Variants in ZNF486 observed in about 807,000 individuals in gnomAD.
The protein encoded by ZNF486 is KRAB box only protein 2.
In ZNF486, 12 loss-of-function variants were observed where a neutral mutation model predicts 12.8. That is an observed-to-expected ratio of 0.94 (90% CI 0.60 to 1.52). The LOEUF (loss-of-function observed/expected upper bound fraction) is 1.52. Among genes scored for constraint, ZNF486 ranks in the 40% most tolerant of loss-of-function variants. ZNF486 has a pLI of 0.00. For synonymous variants in ZNF486, 231 were observed against 184.9 expected (o/e 1.25, Z -2.02); for missense variants, 738 against 545.0 (o/e 1.35, Z -3.53).
At position 20,200,195 on chromosome 19, in the gene ZNF486, G is replaced by A. The variant is rs1237497919; in HGVS notation, c.*2093G>A. The A allele has an allele frequency of 3.3e-5, 5 of 152,206 alleles. No individual in the cohort carries two copies. Among genetic ancestry groups the A allele is most frequent in the African/African-American group, 1.2e-4 (5 of 41,542 alleles). The allele number at this position is 152,206 out of a possible 1,614,324, so 9.4% of individuals were successfully genotyped here. A position where few individuals can be genotyped will look rare whatever the true frequency, so the allele number is the denominator to read the frequency against. ...ATTCTTATTGTATTCACATGTGAAA[G>A]CATGTGATCAATTTTTGCTGCATCA... On this transcript the variant is annotated 3_prime_UTR_variant, in exon 4 of 4. Transcript: ENST00000335117.
At chr19:20,167,916 C>G (rs1281819535) in intron 1 of ZNF486, among the ~76,000 whole-genome samples, 1 of 152,076 alleles carries the variant, frequency 6.6e-6, no homozygotes, top group Non-Finnish European at 1.5e-5. Context: ...CAACCCTACC[C>G]CTTTTTCTCC....
Position 20,197,534 on chromosome 19 carries a change from T to A in ZNF486, c.824T>A (p.Phe275Tyr). ...ATTTGTGAAGAATGTGGCAAAGCCTTTATGTACCCCTATACCCTTACTACA... is the reference window on the plus strand; with the variant it reads ...ATTTGTGAAGAATGTGGCAAAGCCTATATGTACCCCTATACCCTTACTACA... ...PYICEECGKAFMYPYTLTTHK... is the reference protein window; with the variant it reads ...PYICEECGKAYMYPYTLTTHK... The change falls in exon 4 of 4, where the codon TTT (phenylalanine) becomes TAT (tyrosine). Residue 275 changes from phenylalanine to tyrosine, a missense_variant. Transcript: ENST00000335117. 1 of 1,612,500 alleles carries A rather than the reference T, an allele frequency of 6.2e-7. No homozygotes were observed. The highest frequency in any genetic ancestry group is 8.5e-7 in the Non-Finnish European group (1 of 1,179,388).
intron 1 of ZNF486, among the ~76,000 whole-genome samples, chr19:20,171,286 C>T (rs2089645187): frequency 6.6e-6 from 1 of 152,176 alleles, no homozygotes; most frequent in Non-Finnish European, 1.5e-5. Context: ...CCCAGGGTGA[C>T]AGAGGACTGA....
chr19:20,182,220 C>T (rs1367219183), intron 1 of ZNF486, among the ~76,000 whole-genome samples: 1 of 152,304 alleles, frequency 6.6e-6, no homozygotes, highest in South Asian at 2.1e-4. Context: ...GCAACTTCAG[C>T]ATTGACAGGG....
chr19:20,173,398 A>G (rs1162747032), intron 1 of ZNF486, among the ~76,000 whole-genome samples: 2 of 151,752 alleles, frequency 1.3e-5, no homozygotes, highest in East Asian at 3.9e-4. Context: ...TGGGCTCTCT[A>G]TTCTATTTCA....
intron 1 of ZNF486, among the ~76,000 whole-genome samples, chr19:20,175,827 G>A (rs1041282180): frequency 1.8e-4 from 28 of 152,286 alleles, no homozygotes; most frequent in African/African-American, 5.3e-4. Context: ...ATCATGGCCC[G>A]TTCTCAATGA....
intron 1 of ZNF486, among the ~76,000 whole-genome samples, chr19:20,170,040 G>A (rs915224085): frequency 4.6e-5 from 7 of 151,720 alleles, no homozygotes; most frequent in Middle Eastern, 3.4e-3. Context: ...ACAGGCGCCC[G>A]CCACCACGCC....
chr19:20,173,746 G>A (rs2089675310), intron 1 of ZNF486, among the ~76,000 whole-genome samples: 2 of 152,094 alleles, frequency 1.3e-5, no homozygotes, highest in South Asian at 4.1e-4. Context: ...GCAGGAGAAT[G>A]GCGTGAACAT....
Position 20,198,095 on chromosome 19 carries a change from G to A in ZNF486, c.1385G>A (p.Arg462Lys). 6.3e-7 allele frequency: 1 copy of A among 1,575,822 alleles called. No homozygotes were observed. Among genetic ancestry groups the A allele is most frequent in the Non-Finnish European group, 8.6e-7 (1 of 1,162,246 alleles). Residue 462 changes from arginine to lysine, a missense_variant, in exon 4 of 4, where the codon AGA (arginine) becomes AAA (lysine). Coordinates refer to ENST00000335117, the MANE Select transcript of ZNF486 (RefSeq NM_052852.4). ...AGAATTCATATTGGACAGAAACCAA[G>A]AACGTGACAAAGGATTATTTTATTA... ...HKRIHIGQKP[R>K]T
intron 3 of ZNF486, among the ~76,000 whole-genome samples, chr19:20,190,519 G>C (rs573731010): frequency 2.0e-5 from 3 of 152,236 alleles, no homozygotes; most frequent in Non-Finnish European, 2.9e-5. Flanking sequence ...TGACCAGCTT[G>C]GACTACAGAC....
At chr19:20,175,820 A>C (rs908703687) in intron 1 of ZNF486, among the ~76,000 whole-genome samples, 20 of 152,306 alleles carry the variant, frequency 1.3e-4, no homozygotes, top group South Asian at 2.1e-4. Flanking sequence ...CATTGTCATC[A>C]TGGCCCGTTC....
intron 1 of ZNF486, among the ~76,000 whole-genome samples, chr19:20,175,862 G>C (rs2089703522): frequency 6.6e-6 from 1 of 152,212 alleles, no homozygotes; most frequent in Non-Finnish European, 1.5e-5. Flanking sequence ...CTCCCAGATG[G>C]GGTGGTGGCC....
chr19:20,171,354 G>A (rs112442987), intron 1 of ZNF486, among the ~76,000 whole-genome samples: 15 of 152,240 alleles, frequency 9.9e-5, no homozygotes, highest in Admixed American at 2.6e-4. Context: ...CTATCACCAC[G>A]GTGTTCCCAC....
At chr19:20,182,529 A>G (rs1413171050) in intron 1 of ZNF486, among the ~76,000 whole-genome samples, 2 of 150,344 alleles carry the variant, frequency 1.3e-5, no homozygotes, top group Non-Finnish European at 3.0e-5. Flanking sequence ...TTCAAAATAC[A>G]ATACAAAGGA....
At chr19:20,177,702 G>A (rs974988920) in intron 1 of ZNF486, among the ~76,000 whole-genome samples, 1 of 152,092 alleles carries the variant, frequency 6.6e-6, no homozygotes, top group East Asian at 1.9e-4. Context: ...AGCCTCCCTA[G>A]TAGCTGGGAT....
At chr19:20,175,927 A>T (rs1290716288) in intron 1 of ZNF486, among the ~76,000 whole-genome samples, 1 of 150,496 alleles carries the variant, frequency 6.6e-6, no homozygotes, top group Non-Finnish European at 1.5e-5. Context: ...GGCGCCCCTC[A>T]CCTCCCGGAT....
chr19:20,188,346 T>C (rs868956898), intron 3 of ZNF486: 17 of 398,012 alleles, frequency 4.3e-5, no homozygotes, highest in Middle Eastern at 1.2e-3. Flanking sequence ...AAAAATTGTT[T>C]TAAAAACACA....
intron 3 of ZNF486, chr19:20,188,545 ATGG>A: frequency 5.0e-6 from 2 of 398,078 alleles, no homozygotes; most frequent in East Asian, 3.6e-5. Flanking sequence ...ATTGCCAGGC[ATGG>A]TGGTATGCAG....
chr19:20,196,737 C>A (rs2089961868), intron 3 of ZNF486, among the ~76,000 whole-genome samples: 1 of 152,176 alleles, frequency 6.6e-6, no homozygotes, highest in Non-Finnish European at 1.5e-5. Flanking sequence ...GCATTGTGCT[C>A]ACCTAGGGAC....
Sources: gnomAD v4.1 joint callset for allele counts (sites outside exome capture counted in the v4.1 genomes callset) on GRCh38, gnomAD v4.1.1 for gene constraint, MANE v1.5 for transcripts, NCBI Gene and HGNC (gene_info 2026-07-23, HGNC 2026-07-21) for gene names.